Variants in OSBPL1A observed in about 807,000 individuals in gnomAD.
The protein encoded by OSBPL1A is oxysterol binding protein like 1A.
OSBPL1A carries 80 observed loss-of-function variants against 137.1 expected under a neutral mutation model. The observed-to-expected ratio is 0.58, with a 90% confidence interval of 0.49 to 0.70. The LOEUF is 0.70. OSBPL1A is among the 30% of genes least tolerant of loss of function. The probability of loss-of-function intolerance (pLI) is 0.00; values close to 1 mark genes in which losing one functional copy is unlikely to be tolerated. For synonymous variants in OSBPL1A, 365 were observed against 389.7 expected (o/e 0.94, Z 0.75); for missense variants, 970 against 1,129.4 (o/e 0.86, Z 2.02).
intron 19 of OSBPL1A, among the ~76,000 whole-genome samples, chr18:24,180,485 A>G (rs200258668): frequency 1.8e-4 from 17 of 93,142 alleles, no homozygotes; most frequent in African/African-American, 4.6e-4. Flanking sequence ...GTGTGTGTGT[A>G]TGTGTTAACT....
intron 4 of OSBPL1A, among the ~76,000 whole-genome samples, chr18:24,352,068 G>A (rs1190703928): frequency 6.6e-6 from 1 of 152,186 alleles, no homozygotes; most frequent in Non-Finnish European, 1.5e-5. Context: ...AGCACTTTGG[G>A]AGGCTCAGGC....
intron 17 of OSBPL1A, among the ~76,000 whole-genome samples, chr18:24,204,869 T>C (rs1421705999): frequency 6.6e-6 from 1 of 152,166 alleles, no homozygotes; most frequent in Non-Finnish European, 1.5e-5. Flanking sequence ...AGCTTCTATC[T>C]CGGTTCAAAA....
chr18:24,348,936 G>A (rs1039347771), intron 4 of OSBPL1A, among the ~76,000 whole-genome samples: 1 of 152,038 alleles, frequency 6.6e-6, no homozygotes, highest in Non-Finnish European at 1.5e-5. Context: ...GGGAGATCCA[G>A]GTCTGGGATC....
chr18:24,397,141 A>C (rs1312901074), intron 1 of OSBPL1A, among the ~76,000 whole-genome samples: 1 of 152,162 alleles, frequency 6.6e-6, no homozygotes, highest in Non-Finnish European at 1.5e-5. Flanking sequence ...GTTAAAGTCT[A>C]TTGTGCAGCT....
intron 13 of OSBPL1A, chr18:24,311,588 C>T: frequency 1.4e-6 from 1 of 722,096 alleles, no homozygotes; most frequent in Non-Finnish European, 1.7e-6. Flanking sequence ...ACCTACCAAC[C>T]AGGAAAGGTA....
chr18:24,363,258 A>C (rs2091651480), intron 4 of OSBPL1A, among the ~76,000 whole-genome samples: 1 of 152,136 alleles, frequency 6.6e-6, no homozygotes, highest in Admixed American at 6.6e-5. Flanking sequence ...GTTGGGAAAA[A>C]TCAAGGTGTT....
At chr18:24,361,023 G>T (rs1370477672) in intron 4 of OSBPL1A, among the ~76,000 whole-genome samples, 2 of 152,144 alleles carry the variant, frequency 1.3e-5, no homozygotes, top group East Asian at 3.8e-4. Flanking sequence ...TCATTTAGAA[G>T]TGTGGTAATT....
intron 14 of OSBPL1A, among the ~76,000 whole-genome samples, chr18:24,292,961 C>G (rs895110431): frequency 1.3e-5 from 2 of 151,688 alleles, no homozygotes; most frequent in Admixed American, 1.3e-4. Flanking sequence ...TAAAAATTAG[C>G]CGGGTGTGGT....
intron 4 of OSBPL1A, among the ~76,000 whole-genome samples, chr18:24,359,197 G>A (rs1315195619): frequency 6.6e-6 from 1 of 152,050 alleles, no homozygotes; most frequent in African/African-American, 2.4e-5. Context: ...CAGCCTTGGC[G>A]ACAGAGCGAG....
chr18:24,337,375 T>TAACATAACATAACATAACA (rs748388391), intron 5 of OSBPL1A, among the ~76,000 whole-genome samples: 5 of 141,314 alleles, frequency 3.5e-5, no homozygotes, highest in Admixed American at 7.2e-5. Flanking sequence ...AAACATAACA[T>TAACATAACATAACATAACA]TAACATAACA....
intron 15 of OSBPL1A, among the ~76,000 whole-genome samples, chr18:24,242,564 T>A (rs2088736880): frequency 6.6e-6 from 1 of 152,142 alleles, no homozygotes. Flanking sequence ...TGGCCCTGAG[T>A]TCCTGCCAGC....
chr18:24,207,291 C>T (rs1168619964), intron 17 of OSBPL1A, among the ~76,000 whole-genome samples: 2 of 152,170 alleles, frequency 1.3e-5, no homozygotes, highest in African/African-American at 4.8e-5. Context: ...ACCATATTGG[C>T]CAGGCTGGTC....
At chr18:24,166,202 C>A (rs947584976) in intron 26 of OSBPL1A, among the ~76,000 whole-genome samples, 1 of 152,192 alleles carries the variant, frequency 6.6e-6, no homozygotes, top group Non-Finnish European at 1.5e-5. Flanking sequence ...TATACACCTA[C>A]TTATACCAAC....
Position 24,171,705 on chromosome 18 carries a change from G to A in OSBPL1A, c.2202-207C>T, listed in dbSNP as rs201998619. ...TATGTGAGGGGCAGAAAGAATACATGACTTGCCTAAGGTCACAAAGTAGAA... is the reference window on the plus strand; with the variant it reads ...TATGTGAGGGGCAGAAAGAATACATAACTTGCCTAAGGTCACAAAGTAGAA... On this transcript the variant is annotated intron_variant, in intron 22 of 27. Coordinates refer to ENST00000319481, the MANE Select transcript of OSBPL1A (RefSeq NM_080597.4). 1.6e-4 allele frequency among the ~76,000 whole-genome samples: 25 copies of A among 152,248 alleles called. No homozygotes were observed. In the East Asian group the frequency reaches 4.4e-3, roughly 27 times the overall value.
At chr18:24,299,482 T>C (rs887696297) in intron 14 of OSBPL1A, among the ~76,000 whole-genome samples, 1 of 152,184 alleles carries the variant, frequency 6.6e-6, no homozygotes. Flanking sequence ...CATTTCTCCT[T>C]CATTTATCAA....
intron 15 of OSBPL1A, among the ~76,000 whole-genome samples, chr18:24,246,701 G>C (rs2088899559): frequency 6.7e-6 from 1 of 149,408 alleles, no homozygotes; most frequent in African/African-American, 2.5e-5. Context: ...TGAGGCAGGA[G>C]AATCACTTGA....
chr18:24,306,963 G>A (rs1211741814), intron 13 of OSBPL1A, among the ~76,000 whole-genome samples: 1 of 151,646 alleles, frequency 6.6e-6, no homozygotes, highest in Non-Finnish European at 1.5e-5. Context: ...TTCAAAGATA[G>A]CCCCATACTC....
intron 2 of OSBPL1A, among the ~76,000 whole-genome samples, chr18:24,376,882 C>T (rs1005431552): frequency 7.9e-5 from 12 of 152,338 alleles, no homozygotes; most frequent in African/African-American, 2.9e-4. Flanking sequence ...CAGTGCGGGG[C>T]CCACCAAGCC....
chr18:24,255,662 T>C (rs558229773), intron 15 of OSBPL1A, among the ~76,000 whole-genome samples: 48 of 152,282 alleles, frequency 3.2e-4, no homozygotes, highest in African/African-American at 1.1e-3. Context: ...CTCCCTAAAA[T>C]GTATAAAACC....
Sources: gnomAD v4.1 joint callset for allele counts (sites outside exome capture counted in the v4.1 genomes callset) on GRCh38, gnomAD v4.1.1 for gene constraint, MANE v1.5 for transcripts, NCBI Gene and HGNC (gene_info 2026-07-23, HGNC 2026-07-21) for gene names.